GHRH: variants seen among roughly 807,000 people sequenced by gnomAD.
GHRH encodes the protein somatoliberin.
Under a neutral mutation model 15.6 loss-of-function variants are expected in GHRH, and 7 were observed. That is an observed-to-expected ratio of 0.45 (90% confidence interval 0.26 to 0.84). The LOEUF (loss-of-function observed/expected upper bound fraction) is 0.84, where lower values mean the gene tolerates loss of function less well. Among genes scored for constraint, GHRH ranks in the 40% least tolerant of loss-of-function variants. The pLI is 0.18. For synonymous variants in GHRH, 54 were observed against 50.4 expected (o/e 1.07, Z -0.30); for missense variants, 117 against 138.0 (o/e 0.85, Z 0.76).
chr20:37,257,781 A>T (rs1011316486), intron 1 of GHRH, among the ~76,000 whole-genome samples: 2 of 152,198 alleles, frequency 1.3e-5, no homozygotes, highest in African/African-American at 4.8e-5. Context: ...CCAAGATAGT[A>T]ACTAGACCTC....
chr20:37,254,762 A>C (rs545454616), intron 3 of GHRH, among the ~76,000 whole-genome samples: 1 of 152,254 alleles, frequency 6.6e-6, no homozygotes, highest in South Asian at 2.1e-4. Flanking sequence ...AATCATGGGG[A>C]TATGTCTGGC....
chr20:37,260,700 C>T (rs1315763117), intron 1 of GHRH, among the ~76,000 whole-genome samples: 1 of 152,262 alleles, frequency 6.6e-6, no homozygotes, highest in Non-Finnish European at 1.5e-5. Context: ...ACCCTGATGA[C>T]TGAAGGCACT....
intron 4 of GHRH, among the ~76,000 whole-genome samples, chr20:37,251,919 G>C (rs1050477178): frequency 1.2e-4 from 18 of 152,166 alleles, no homozygotes; most frequent in African/African-American, 3.9e-4. Context: ...AGCAGCCTTC[G>C]GGGCCCTTCC....
intron 1 of GHRH, among the ~76,000 whole-genome samples, chr20:37,259,906 T>C (rs2068678570): frequency 6.6e-6 from 1 of 152,078 alleles, no homozygotes; most frequent in Non-Finnish European, 1.5e-5. Flanking sequence ...TATTCCCCAT[T>C]CACAGGGATC....
chr20:37,255,660 CAAAAAAA>C (rs61126074), intron 3 of GHRH, among the ~76,000 whole-genome samples: 3 of 14,710 alleles, frequency 2.0e-4, no homozygotes, highest in Admixed American at 1.8e-3. Context: ...GACTCCATCT[CAAAAAAA>C]AAAAAAAAAA....
intron 4 of GHRH, among the ~76,000 whole-genome samples, chr20:37,252,520 A>T (rs1309548689): frequency 1.3e-5 from 2 of 152,210 alleles, no homozygotes; most frequent in African/African-American, 2.4e-5. Flanking sequence ...TAATCCCAGC[A>T]CTTAGGGAGG....
rs547651436 is a variant in GHRH, at chr20:37,254,358, G to C, written c.189-29C>G. 22 of 1,613,708 alleles carry C rather than the reference G, an allele frequency of 1.4e-5. No individual in the cohort carries two copies. In the African/African-American group the frequency reaches 2.7e-4, roughly 20 times the overall value. The stretch of plus-strand genomic sequence containing the variant: ...TGTGGTTAGAAAAAGAGAACTAGTT[G>C]CTATTTGGGTAGGATGTGGAAAGGC... On this transcript the variant is annotated intron_variant, in intron 3 of 4. Coordinates refer to ENST00000373614, the MANE Select transcript of GHRH (RefSeq NM_021081.6).
intron 3 of GHRH, among the ~76,000 whole-genome samples, chr20:37,255,691 T>C (rs1420001905): frequency 9.2e-5 from 12 of 130,248 alleles, no homozygotes; most frequent in Admixed American, 6.1e-4. Flanking sequence ...AAAAAAGAGC[T>C]ATTAACCCTG....
intron 1 of GHRH, 113 bp downstream of exon 1, chr20:37,261,630 A>G (rs1024002187): frequency 6.6e-6 from 1 of 152,250 alleles, no homozygotes. Flanking sequence ...TCACCAGTCC[A>G]TGGGCAAAGA....
chr20:37,254,852 G>A (rs1355224523), intron 3 of GHRH, among the ~76,000 whole-genome samples: 3 of 152,152 alleles, frequency 2.0e-5, no homozygotes, highest in Non-Finnish European at 4.4e-5. Context: ...ACTGAGGAAC[G>A]ATTCCAGATT....
At chr20:37,253,280 G>A (rs1462998908) in intron 4 of GHRH, among the ~76,000 whole-genome samples, 6 of 152,290 alleles carry the variant, frequency 3.9e-5, no homozygotes, top group East Asian at 1.9e-4. Flanking sequence ...CAGTCATCAC[G>A]TCTCTCGTCT....
chr20:37,253,951 A>G (rs2068638767), intron 4 of GHRH, among the ~76,000 whole-genome samples: 1 of 152,118 alleles, frequency 6.6e-6, no homozygotes, highest in Non-Finnish European at 1.5e-5. Context: ...GGGTTTTGCC[A>G]TGTTGGCCAG....
chr20:37,257,231 G>A (rs1362945016), intron 1 of GHRH, among the ~76,000 whole-genome samples: 1 of 152,110 alleles, frequency 6.6e-6, no homozygotes, highest in Non-Finnish European at 1.5e-5. Flanking sequence ...AGTAGGATTT[G>A]GGCTCAGGCA....
At position 37,256,469 on chromosome 20, in the gene GHRH, G is replaced by T; in HGVS notation, c.113C>A (p.Thr38Asn). 6.2e-7 allele frequency: 1 copy of T among 1,613,394 alleles called. No homozygotes were observed. Among genetic ancestry groups the T allele is most frequent in the South Asian group, 1.1e-5 (1 of 91,022 alleles). ...RMRRYADAIFTNSYRKVLGQL... is the reference protein window; with the variant it reads ...RMRRYADAIFNNSYRKVLGQL... The stretch of plus-strand genomic sequence containing the variant: ...GCCCAGCACCTTCCGGTAGCTGTTG[G>T]TGAAGATGGCATCTGCATACCGCCG... Residue 38 changes from threonine to asparagine, a missense_variant, in exon 3 of 5, where the codon ACC (threonine) becomes AAC (asparagine). By Grantham distance (65) the Thr-to-Asn change is moderately conservative (BLOSUM62 0). Coordinates refer to ENST00000373614, the MANE Select transcript of GHRH (RefSeq NM_021081.6).
chr20:37,255,387 G>A (rs934115163), intron 3 of GHRH, among the ~76,000 whole-genome samples: 146 of 152,184 alleles, frequency 9.6e-4, no homozygotes, highest in African/African-American at 3.5e-3. Flanking sequence ...GGGCCAGGGC[G>A]CAATGGCTCA....
chr20:37,261,078 G>A (rs558773384), intron 1 of GHRH, among the ~76,000 whole-genome samples: 52 of 152,286 alleles, frequency 3.4e-4, no homozygotes, highest in African/African-American at 1.2e-3. Context: ...AGAAATCTAA[G>A]TTTTTAATGA....
chr20:37,260,514 G>A (rs59415901), intron 1 of GHRH, among the ~76,000 whole-genome samples: 1,543 of 152,248 alleles, frequency 0.01, 27 homozygotes, highest in African/African-American at 0.034. Flanking sequence ...GAGCCCGGGA[G>A]GTTAAGGCTG....
At position 37,256,468 on chromosome 20, in the gene GHRH, G is replaced by T. The variant is rs780809718; in HGVS notation, c.114C>A (p.Thr38=). The T allele has an allele frequency of 2.5e-6, 4 of 1,613,364 alleles. No individual in the cohort carries two copies. The highest frequency in any genetic ancestry group is 2.5e-6 in the Non-Finnish European group (3 of 1,179,686). The change falls in exon 3 of 5, where the codon ACC becomes ACA. Residue 38 remains threonine, a synonymous_variant. Transcript: ENST00000373614. ...RMRRYADAIF[T]NSYRKVLGQL... ...GGCCCAGCACCTTCCGGTAGCTGTTGGTGAAGATGGCATCTGCATACCGCC... is the reference window on the plus strand; with the variant it reads ...GGCCCAGCACCTTCCGGTAGCTGTTTGTGAAGATGGCATCTGCATACCGCC...
intron 2 of GHRH, 21 bp downstream of exon 2, chr20:37,256,786 C>T: frequency 2.5e-6 from 4 of 1,594,580 alleles, no homozygotes; most frequent in Non-Finnish European, 3.4e-6. Flanking sequence ...GTGGTGGGAA[C>T]TTTCCCCAGG....
Sources: allele counts gnomAD v4.1 joint callset (sites outside exome capture counted in the v4.1 genomes callset), GRCh38; gene constraint gnomAD v4.1.1; transcripts MANE v1.5; gene names NCBI Gene and HGNC (gene_info 2026-07-23, HGNC 2026-07-21).